VGLL3: variants seen among roughly 807,000 people sequenced by gnomAD.
VGLL3 encodes transcription cofactor vestigial-like protein 3.
A neutral mutation model predicts 29.2 loss-of-function variants in VGLL3; 18 were observed. The ratio of observed to expected loss-of-function variants is 0.62; its 90% CI spans 0.43 to 0.91. The LOEUF is 0.91. Ranked by LOEUF, VGLL3 falls within the 40% of genes least tolerant of loss-of-function variation. VGLL3 has a pLI of 0.00. For synonymous variants in VGLL3, 180 were observed against 151.8 expected (o/e 1.19, Z -1.36); for missense variants, 440 against 413.2 (o/e 1.06, Z -0.56).
rs1009101384 is a variant in VGLL3, at chr3:86,990,934, G to C, written c.-191C>G. 1.5e-5 allele frequency: 16 copies of C among 1,089,928 alleles called. No individual in the cohort carries two copies. Among genetic ancestry groups the C allele is most frequent in the African/African-American group, 5.0e-5 (3 of 59,780 alleles). The allele number at this position is 1,089,928 out of a possible 1,614,324, so 67.5% of individuals were successfully genotyped here. On this transcript the variant is annotated 5_prime_UTR_variant, in exon 1 of 4. Transcript: ENST00000398399. ...GGTCGGGAGGGACTGGCAATCAGCGGGGGCCCATGCGCGGGCACCTTCATC... is the reference window on the plus strand; with the variant it reads ...GGTCGGGAGGGACTGGCAATCAGCGCGGGCCCATGCGCGGGCACCTTCATC...
intron 3 of VGLL3, among the ~76,000 whole-genome samples, chr3:86,966,329 G>T (rs1704959154): frequency 6.6e-6 from 1 of 152,050 alleles, no homozygotes; most frequent in Non-Finnish European, 1.5e-5. Context: ...AAGGCAGTAG[G>T]AGGTCTAACT....
intron 2 of VGLL3, among the ~76,000 whole-genome samples, chr3:86,971,681 G>C (rs568237691): frequency 6.6e-6 from 1 of 152,290 alleles, no homozygotes; most frequent in East Asian, 1.9e-4. Context: ...TTAATGACAA[G>C]AAGGAAAGTC....
chr3:86,946,880 C>T lies in VGLL3; in HGVS notation c.*144G>A, dbSNP rs1575857298. 1.6e-6 allele frequency: 1 copy of T among 621,200 alleles called. No individual in the cohort carries two copies. Among genetic ancestry groups the T allele is most frequent in the Non-Finnish European group, 2.9e-6 (1 of 340,542 alleles). The allele number at this position is 621,200 out of a possible 1,614,324, so 38.5% of individuals were successfully genotyped here. On this transcript the variant is annotated 3_prime_UTR_variant, in exon 4 of 4. Transcript: ENST00000398399. ...ACCCACTTTGCTTTCTCAAGAAAGG[C>T]CGAAAACCAGTCAACTGCGTGACAC... is the stretch of plus-strand genomic sequence containing the variant.
At chr3:86,956,383 A>G (rs183911294) in intron 3 of VGLL3, among the ~76,000 whole-genome samples, 2 of 152,268 alleles carry the variant, frequency 1.3e-5, no homozygotes, top group East Asian at 3.9e-4. Context: ...TGGGAAGACA[A>G]GTTTTACTTT....
intron 1 of VGLL3, among the ~76,000 whole-genome samples, chr3:86,986,355 C>T (rs529719193): frequency 6.6e-6 from 1 of 152,074 alleles, no homozygotes; most frequent in Non-Finnish European, 1.5e-5. Flanking sequence ...CAATCTTGCC[C>T]TTACCATCAT....
chr3:86,990,384 T>C (rs1253639383), intron 1 of VGLL3: 1 of 985,192 alleles, frequency 1.0e-6, no homozygotes, highest in Non-Finnish European at 1.2e-6. Flanking sequence ...GCCTCTGAGC[T>C]CCGGTGACCA....
At chr3:86,984,421 C>T (rs1233631466) in intron 1 of VGLL3, among the ~76,000 whole-genome samples, 2 of 152,088 alleles carry the variant, frequency 1.3e-5, no homozygotes, top group African/African-American at 4.8e-5. Flanking sequence ...AAAAATCAAA[C>T]CTAACCCCTC....
intron 1 of VGLL3, among the ~76,000 whole-genome samples, chr3:86,983,707 G>T (rs1705377362): frequency 6.6e-6 from 1 of 152,074 alleles, no homozygotes. Flanking sequence ...TAATTTACTT[G>T]GATAACAGAT....
rs749026578 is a variant in VGLL3 at position 86,968,652 on chromosome 3, G to T, written c.875C>A (p.Ser292Ter). 2.5e-6 allele frequency: 4 copies of T among 1,614,184 alleles called. No individual in the cohort carries two copies. Among genetic ancestry groups the T allele is most frequent in the African/African-American group, 1.3e-5 (1 of 75,052 alleles). The stretch of plus-strand genomic sequence containing the variant: ...TCCATGAAAGGCTCCAGCCCATGCT[G>T]AGGTAGCAGAGGTGACTGTAGTTGG... ...TEPTTVTSAT[S>*]AWAGAFHGTV... The change falls in exon 3 of 4, where the codon TCA (serine) becomes TAA (stop). Residue 292 changes from serine (S) to a stop codon, truncating the protein, a stop_gained. Coordinates refer to ENST00000398399, the MANE Select transcript of VGLL3 (RefSeq NM_016206.4). LOFTEE classifies it high-confidence loss of function.
intron 3 of VGLL3, among the ~76,000 whole-genome samples, chr3:86,956,755 A>T (rs1398029190): frequency 6.8e-6 from 1 of 148,096 alleles, no homozygotes; most frequent in East Asian, 2.0e-4. Context: ...ACTGCACTCC[A>T]GCCTGGGCGA....
At chr3:86,985,277 G>T (rs1243865403) in intron 1 of VGLL3, among the ~76,000 whole-genome samples, 1 of 152,126 alleles carries the variant, frequency 6.6e-6, no homozygotes, top group Non-Finnish European at 1.5e-5. Context: ...GGGTCATCTA[G>T]CCCAATTCCT....
intron 2 of VGLL3, among the ~76,000 whole-genome samples, chr3:86,976,176 C>A (rs1559731165): frequency 6.6e-6 from 1 of 152,178 alleles, no homozygotes; most frequent in Non-Finnish European, 1.5e-5. Flanking sequence ...ATTCACCTCA[C>A]ACCAGCATCT....
At chr3:86,966,019 T>C (rs1163367216) in intron 3 of VGLL3, among the ~76,000 whole-genome samples, 1 of 152,170 alleles carries the variant, frequency 6.6e-6, no homozygotes, top group Non-Finnish European at 1.5e-5. Context: ...GTAATATTTG[T>C]CATTATATCT....
At position 86,969,138 on chromosome 3, in the gene VGLL3, A is replaced by T. The variant is rs1203309676; in HGVS notation, c.404-15T>A. The stretch of plus-strand genomic sequence containing the variant: ...AGCTGAGCTGTCTGAGAAGACAGAA[A>T]ATAAAAAACATTATTAACATAAGAC... On this transcript the variant is annotated splice_polypyrimidine_tract_variant and intron_variant, in intron 2 of 3. Coordinates refer to ENST00000398399, the MANE Select transcript of VGLL3 (RefSeq NM_016206.4). The T allele has an allele frequency of 2.6e-6, 4 of 1,542,862 alleles. No homozygotes were observed. Among genetic ancestry groups the T allele is most frequent in the African/African-American group, 1.4e-5 (1 of 72,546 alleles).
At chr3:86,952,514 A>C (rs1704636748) in intron 3 of VGLL3, among the ~76,000 whole-genome samples, 2 of 152,192 alleles carry the variant, frequency 1.3e-5, no homozygotes, top group Non-Finnish European at 2.9e-5. Flanking sequence ...TTGATTAAAA[A>C]AAGAGAACAT....
intron 2 of VGLL3, among the ~76,000 whole-genome samples, chr3:86,974,712 T>C (rs765680782): frequency 7.2e-5 from 11 of 152,224 alleles, no homozygotes; most frequent in Non-Finnish European, 1.6e-4. Flanking sequence ...AATTTGTTTG[T>C]AGCATGGTAG....
chr3:86,982,589 G>A lies in VGLL3; in HGVS notation c.127-3787C>T, dbSNP rs992855038. On this transcript the variant is annotated intron_variant, in intron 1 of 3. Coordinates refer to ENST00000398399, the MANE Select transcript of VGLL3 (RefSeq NM_016206.4). ...AATAATATATAAAATTCAAAACATC[G>A]AGACTAAATATCAAATCATCAGAAC... Among the ~76,000 whole-genome samples the A allele has an allele frequency of 6.6e-5, 10 of 151,926 alleles. No homozygotes were observed. In the East Asian group the frequency reaches 1.2e-3, roughly 18 times the overall value.
Position 86,943,106 on chromosome 3 carries a change from C to T in VGLL3, c.*3918G>A, listed in dbSNP as rs1704433143. The stretch of plus-strand genomic sequence containing the variant: ...CTCATGAGATAAATAAATGAAGCCC[C>T]AAACCACACATAAACTTTTGGCTAA... On this transcript the variant is annotated 3_prime_UTR_variant, in exon 4 of 4. Transcript: ENST00000398399. 6.6e-6 allele frequency: 1 copy of T among 152,052 alleles called. No individual in the cohort carries two copies. The highest frequency in any genetic ancestry group is 1.5e-5 in the Non-Finnish European group (1 of 68,000). 9.4% of individuals were successfully genotyped at this position (152,052 alleles called of 1,614,324 possible).
chr3:86,972,332 A>C (rs1705118600), intron 2 of VGLL3, among the ~76,000 whole-genome samples: 1 of 152,220 alleles, frequency 6.6e-6, no homozygotes. Flanking sequence ...TTTCCCAGTC[A>C]ATATGTCTCT....
Sources: gnomAD v4.1 joint callset for allele counts (sites outside exome capture counted in the v4.1 genomes callset) on GRCh38, gnomAD v4.1.1 for gene constraint, MANE v1.5 for transcripts, NCBI Gene and HGNC (gene_info 2026-07-23, HGNC 2026-07-21) for gene names.